PRKCE: variants seen among roughly 807,000 people sequenced by gnomAD.
The protein encoded by PRKCE is protein kinase C epsilon.
In PRKCE, 16 loss-of-function variants were observed where a neutral mutation model predicts 85.4. The observed-to-expected ratio is 0.19, with a 90% CI of 0.13 to 0.28. PRKCE has a LOEUF of 0.28. PRKCE is among the 10% of genes least tolerant of loss of function. PRKCE has a pLI of 1.00. For missense variants in PRKCE, 573 were observed against 975.2 expected, an observed-to-expected ratio of 0.59 and a Z score of 5.49; for synonymous variants, 388 against 371.5, an observed-to-expected ratio of 1.04 and a Z score of -0.51.
At chr2:45,928,897 G>A (rs1698829892) in intron 2 of PRKCE, among the ~76,000 whole-genome samples, 1 of 152,148 alleles carries the variant, frequency 6.6e-6, no homozygotes, top group African/African-American at 2.4e-5. Flanking sequence ...GTACCCCGAG[G>A]CTGGGAGTCT....
At position 46,004,716 on chromosome 2, in the gene PRKCE, C is replaced by A; in HGVS notation, c.1063+78C>A. ...CAAGGAGCTCTGAGGCCTCTTTAACCAAGAGTGAGCTTGTTAGCTGAAATA... is the reference window on the plus strand; with the variant it reads ...CAAGGAGCTCTGAGGCCTCTTTAACAAAGAGTGAGCTTGTTAGCTGAAATA... On this transcript the variant is annotated intron_variant, in intron 8 of 14. Coordinates refer to ENST00000306156, the MANE Select transcript of PRKCE (RefSeq NM_005400.3). The surrounding 1 kb of genome is among the most constrained non-coding windows in gnomAD (Gnocchi z 4.1). 3 of 1,230,742 alleles carry A rather than the reference C, an allele frequency of 2.4e-6. No individual in the cohort carries two copies. The highest frequency in any genetic ancestry group is 3.4e-6 in the Non-Finnish European group (3 of 870,870). The allele number at this position is 1,230,742 out of a possible 1,614,324, so 76.2% of individuals were successfully genotyped here.
At chr2:45,807,879 T>C (rs1688362488) in intron 1 of PRKCE, among the ~76,000 whole-genome samples, 1 of 151,908 alleles carries the variant, frequency 6.6e-6, no homozygotes, top group African/African-American at 2.4e-5. Context: ...TTCTACTTTC[T>C]CTCCCCCTGC....
intron 1 of PRKCE, among the ~76,000 whole-genome samples, chr2:45,663,904 C>G (rs1312440043): frequency 6.6e-6 from 1 of 151,910 alleles, no homozygotes. Context: ...ATTAAAAAAA[C>G]AAAAACCAAA....
rs112862773 is a variant in PRKCE at position 45,895,336 on chromosome 2, G to T, written c.412+52273G>T. Among the ~76,000 whole-genome samples, 36 of 152,244 alleles carry T rather than the reference G, an allele frequency of 2.4e-4. 1 individual carries two copies. The highest frequency in any genetic ancestry group is 7.7e-4 in the African/African-American group (32 of 41,534). On this transcript the variant is annotated intron_variant, in intron 2 of 14. Transcript: ENST00000306156. This position sits in a 1 kb window ranked among gnomAD's most constrained non-coding sequence, Gnocchi z 4.8. ...CACAGTGACTTATATGGACTTAAGG[G>T]AGTTTCAGTCGGGGAAGAAAGTGGG...
At chr2:46,101,783 G>C (rs1295716602) in intron 11 of PRKCE, among the ~76,000 whole-genome samples, 2 of 149,962 alleles carry the variant, frequency 1.3e-5, no homozygotes, top group Admixed American at 6.7e-5. Flanking sequence ...GAGGACACTC[G>C]GTCTCATAGC....
intron 8 of PRKCE, 59 bp from the exon 9 acceptor site, chr2:46,007,403 T>TA: frequency 6.4e-7 from 1 of 1,553,902 alleles, no homozygotes; most frequent in Non-Finnish European, 8.8e-7. Context: ...TGTTGAGTCC[T>TA]AATGTAACAG....
At chr2:46,088,929 G>T (rs1669900205) in intron 11 of PRKCE, among the ~76,000 whole-genome samples, 1 of 152,058 alleles carries the variant, frequency 6.6e-6, no homozygotes. Context: ...CATGACACTT[G>T]GTACCCTGCC....
rs553841445 is a variant in PRKCE, at chr2:45,652,607, T to C, written c.348+159T>C. Among the ~76,000 whole-genome samples, 6 of 152,272 alleles carry C rather than the reference T, an allele frequency of 3.9e-5. No homozygotes were observed. The highest frequency in any genetic ancestry group is 1.2e-4 in the African/African-American group (5 of 41,562). On this transcript the variant is annotated intron_variant, in intron 1 of 14. Coordinates refer to ENST00000306156, the MANE Select transcript of PRKCE (RefSeq NM_005400.3). The surrounding 1 kb of genome is among the most constrained non-coding windows in gnomAD (Gnocchi z 7.7). Reference sequence around the variant, plus strand: ...TGGGGAGGTACACTTCACTTCATAGTTGGGGAGAAACAGGCATTGGCGAGG... The same window carrying C: ...TGGGGAGGTACACTTCACTTCATAGCTGGGGAGAAACAGGCATTGGCGAGG...
Position 45,651,874 on chromosome 2 carries a change from C to T in PRKCE, c.-227C>T, listed in dbSNP as rs1459309476. ...ACTTGCTCCAAACACGGACATCCCC[C>T]AGCTCTCCCCCCTCCCTGTTTTCCG... On this transcript the variant is annotated 5_prime_UTR_variant, in exon 1 of 15. Coordinates refer to ENST00000306156, the MANE Select transcript of PRKCE (RefSeq NM_005400.3). 4.3e-6 allele frequency: 2 copies of T among 470,250 alleles called. No homozygotes were observed. Among genetic ancestry groups the T allele is most frequent in the Non-Finnish European group, 7.5e-6 (2 of 265,584 alleles). 29.1% of individuals were successfully genotyped at this position (470,250 alleles called of 1,614,324 possible).
intron 2 of PRKCE, among the ~76,000 whole-genome samples, chr2:45,954,867 TG>T (rs1700865236): frequency 6.6e-6 from 1 of 152,206 alleles, no homozygotes; most frequent in African/African-American, 2.4e-5. Flanking sequence ...AGCTGTTAAG[TG>T]GATGAATTAC....
intron 1 of PRKCE, among the ~76,000 whole-genome samples, chr2:45,790,339 G>A (rs1381256947): frequency 6.6e-6 from 1 of 152,210 alleles, no homozygotes; most frequent in Non-Finnish European, 1.5e-5. Flanking sequence ...GTCGAGGGTG[G>A]CAGCACGTGG....
chr2:45,943,438 C>T (rs1558866249), intron 2 of PRKCE, among the ~76,000 whole-genome samples: 2 of 152,196 alleles, frequency 1.3e-5, no homozygotes, highest in Admixed American at 6.5e-5. Flanking sequence ...CCCCTCTAGC[C>T]GGGGCTTAGG....
At chr2:45,744,433 CTTTCT>C (rs1682879011) in intron 1 of PRKCE, among the ~76,000 whole-genome samples, 1 of 38,242 alleles carries the variant, frequency 2.6e-5, no homozygotes, top group South Asian at 1.9e-3. Flanking sequence ...TTCTTTCTTT[CTTTCT>C]TTCTTTCTTT....
Position 46,007,586 on chromosome 2 carries a change from G to A in PRKCE, c.1188G>A (p.Arg396=), listed in dbSNP as rs1476515682. ...LMSPGENGEV[R]QGQAKRLGLD... ...GCCCCGGTGAGAATGGCGAAGTCCG[G>A]CAAGGCCAGGCCAAGCGCCTGGGCC... Residue 396 remains arginine (R), a synonymous_variant, in exon 9 of 15, where the codon CGG becomes CGA. Coordinates refer to ENST00000306156, the MANE Select transcript of PRKCE (RefSeq NM_005400.3). 1 of 1,599,662 alleles carries A rather than the reference G, an allele frequency of 6.3e-7. No individual in the cohort carries two copies. Among genetic ancestry groups the A allele is most frequent in the African/African-American group, 1.3e-5 (1 of 74,948 alleles).
chr2:45,911,198 G>C (rs1038309565), intron 2 of PRKCE, among the ~76,000 whole-genome samples: 1 of 152,192 alleles, frequency 6.6e-6, no homozygotes, highest in Non-Finnish European at 1.5e-5. Flanking sequence ...CAGGGGAAAT[G>C]CTTATCAATC....
chr2:45,744,526 T>TTC lies in PRKCE; in HGVS notation c.348+92079_348+92080insCT, dbSNP rs1243962308. Among the ~76,000 whole-genome samples, 309 of 33,644 alleles carry TTC rather than the reference T, an allele frequency of 9.2e-3. 8 individuals are homozygous for TTC. Among genetic ancestry groups the TTC allele is most frequent in the Middle Eastern group, 0.036 (2 of 56 alleles). 22.1% of individuals were successfully genotyped at this position (33,644 alleles called of 152,430 possible). ...TTTCTTTCTTTCTTTCTTTCTTTCT[T>TTC]TTTCTTTCCTTCTTTCTTTCTTTCT... On this transcript the variant is annotated intron_variant, in intron 1 of 14. Transcript: ENST00000306156.
chr2:45,888,754 A>G (rs1298744567), intron 2 of PRKCE, among the ~76,000 whole-genome samples: 1 of 152,180 alleles, frequency 6.6e-6, no homozygotes, highest in Non-Finnish European at 1.5e-5. Flanking sequence ...ACCTGGCCAG[A>G]AATACTCTTC....
intron 10 of PRKCE, among the ~76,000 whole-genome samples, chr2:46,072,021 A>G (rs1339498271): frequency 6.6e-6 from 1 of 152,236 alleles, no homozygotes; most frequent in Non-Finnish European, 1.5e-5. Context: ...TGGTTCAACA[A>G]TTCTTCACAG....
intron 14 of PRKCE, among the ~76,000 whole-genome samples, chr2:46,167,377 G>C (rs1046739337): frequency 6.6e-6 from 1 of 152,024 alleles, no homozygotes; most frequent in Non-Finnish European, 1.5e-5. Context: ...CACTTGGATG[G>C]TGTTGATGGT....
Sources: allele counts gnomAD v4.1 joint callset (sites outside exome capture counted in the v4.1 genomes callset), GRCh38; gene constraint gnomAD v4.1.1; non-coding constraint Gnocchi (gnomAD v3.1); transcripts MANE v1.5; gene names NCBI Gene and HGNC (gene_info 2026-07-23, HGNC 2026-07-21).